Variants in CEP164 observed in about 807,000 individuals in gnomAD.
CEP164 encodes the protein centrosomal protein of 164 kDa.
CEP164 carries 162 observed loss-of-function variants against 182.7 expected under a neutral mutation model. That is an observed-to-expected ratio of 0.89 (90% CI 0.78 to 1.01). The LOEUF is 1.01. CEP164 is among the 50% of genes least tolerant of loss of function. CEP164 has a pLI of 0.00. For missense variants in CEP164, 1,735 were observed against 1,790.4 expected (o/e 0.97, Z 0.56); for synonymous variants, 661 against 690.0 (o/e 0.96, Z 0.66).
At chr11:117,339,515 G>GTTTTTTTTTTTTTTTTTTTTTTTTTT (rs1199425322) in intron 3 of CEP164, among the ~76,000 whole-genome samples, 1 of 90,870 alleles carries the variant, frequency 1.1e-5, no homozygotes, top group Non-Finnish European at 2.1e-5. Context: ...CTTTTCCTTT[G>GTTTTTTTTTTTTTTTTTTTTTTTTTT]TTTTTTGTTT....
intron 12 of CEP164, among the ~76,000 whole-genome samples, chr11:117,381,072 AGGTCT>A (rs1192148410): frequency 6.6e-6 from 1 of 152,022 alleles, no homozygotes; most frequent in Non-Finnish European, 1.5e-5. Flanking sequence ...AACCTTGTGG[AGGTCT>A]GGAGGAGTCG....
At chr11:117,379,704 T>G (rs1275465855) in intron 11 of CEP164, among the ~76,000 whole-genome samples, 2 of 151,952 alleles carry the variant, frequency 1.3e-5, no homozygotes, top group Non-Finnish European at 2.9e-5. Context: ...GAGACAGACT[T>G]CCTAGGCAGG....
At chr11:117,391,603 G>A (rs1321964236) in intron 17 of CEP164, among the ~76,000 whole-genome samples, 1 of 152,076 alleles carries the variant, frequency 6.6e-6, no homozygotes, top group Non-Finnish European at 1.5e-5. Context: ...AGACAAAGGC[G>A]CTCTGTCCCT....
At chr11:117,324,948 C>G (rs1359997256), upstream of CEP164, among the ~76,000 whole-genome samples, 2 of 152,182 alleles carry the variant, frequency 1.3e-5, no homozygotes, top group Admixed American at 6.5e-5. Context: ...ATTGCAAATT[C>G]TTAGATATAG....
chr11:117,383,037 G>T, intron 14 of CEP164, 95 bp downstream of exon 14: 1 of 1,416,666 alleles, frequency 7.1e-7, no homozygotes, highest in Non-Finnish European at 9.5e-7. Flanking sequence ...GTGGGGCTCA[G>T]GCTCTGGCCA....
At chr11:117,387,911 A>T (rs2044139141) in intron 15 of CEP164, among the ~76,000 whole-genome samples, 1 of 152,196 alleles carries the variant, frequency 6.6e-6, no homozygotes, top group Admixed American at 6.5e-5. Flanking sequence ...ACCAACATAC[A>T]AGTACTGGGA....
Position 117,338,586 on chromosome 11 carries a change from C to T in CEP164, c.-1C>T, listed in dbSNP as rs117301280. 1.2e-6 allele frequency: 2 copies of T among 1,613,958 alleles called. No homozygotes were observed. The highest frequency in any genetic ancestry group is 2.2e-5 in the East Asian group (1 of 44,888). On this transcript the variant is annotated 5_prime_UTR_variant, in exon 3 of 33. Coordinates refer to ENST00000278935, the MANE Select transcript of CEP164 (RefSeq NM_014956.5). The stretch of plus-strand genomic sequence containing the variant: ...TCTAGGTGTTTGAGCCCAGATGAGT[C>T]ATGGCTGGACGACCCCTCCGCATAG...
rs1387200155 is a variant in CEP164, at chr11:117,394,423, G to A, written c.2690G>A (p.Arg897Gln). 6.8e-6 allele frequency: 11 copies of A among 1,613,952 alleles called. No individual in the cohort carries two copies. Among genetic ancestry groups the A allele is most frequent in the Non-Finnish European group, 9.3e-6 (11 of 1,179,966 alleles). Residue 897 changes from arginine to glutamine, a missense_variant, in exon 21 of 33, where the codon CGA becomes CAA. Arg to Gln is a conservative substitution (Grantham distance 43). Coordinates refer to ENST00000278935, the MANE Select transcript of CEP164 (RefSeq NM_014956.5). The surrounding 1 kb of genome is among the most constrained non-coding windows in gnomAD (Gnocchi z 4.0). Reference sequence around the variant, plus strand: ...GAGCGCCTGCAGAGGGCCCATGAACGAGAACTGGAGACTGTGAGGCAGGAG... The same window carrying A: ...GAGCGCCTGCAGAGGGCCCATGAACAAGAACTGGAGACTGTGAGGCAGGAG... Reference protein sequence around the residue: ...ELERLQRAHERELETVRQEQH... With the variant: ...ELERLQRAHEQELETVRQEQH...
intron 9 of CEP164, among the ~76,000 whole-genome samples, chr11:117,372,687 G>T (rs1418210092): frequency 6.6e-6 from 1 of 152,190 alleles, no homozygotes; most frequent in Non-Finnish European, 1.5e-5. Flanking sequence ...AAAGTGCTGG[G>T]ATTACAGGCG....
chr11:117,375,149 T>G (rs961732064), intron 10 of CEP164, among the ~76,000 whole-genome samples: 2 of 152,176 alleles, frequency 1.3e-5, no homozygotes, highest in East Asian at 3.8e-4. Flanking sequence ...GCCCACAGGT[T>G]TTCTGGGGAT....
chr11:117,399,432 T>C (rs1361502780), intron 27 of CEP164, among the ~76,000 whole-genome samples: 6 of 152,232 alleles, frequency 3.9e-5, no homozygotes, highest in Admixed American at 3.9e-4. Context: ...TGAACAGTGC[T>C]GCAATAAACA....
At chr11:117,325,702 A>G (rs1351276957), upstream of CEP164, among the ~76,000 whole-genome samples, 1 of 152,032 alleles carries the variant, frequency 6.6e-6, no homozygotes, top group Non-Finnish European at 1.5e-5. Context: ...TTTAAAGAAG[A>G]TGGAGAGGAA....
At chr11:117,327,954 C>A (rs1439533467) in intron 1 of CEP164, 50 bp downstream of exon 1, 2 of 152,258 alleles carry the variant, frequency 1.3e-5, no homozygotes, top group African/African-American at 2.4e-5. Context: ...AGAGCCTCGC[C>A]CGGAGCCTCG....
intron 27 of CEP164, among the ~76,000 whole-genome samples, chr11:117,403,118 A>G (rs187769128): frequency 1.4e-4 from 22 of 152,302 alleles, no homozygotes; most frequent in Admixed American, 6.5e-4. Flanking sequence ...TTGACTGTTT[A>G]TGCAGTTTGC....
rs376399291 is a variant in CEP164, at chr11:117,411,753, G to A, written c.4164-42G>A. The A allele has an allele frequency of 3.0e-5, 49 of 1,612,256 alleles. 1 individual carries two copies. The African/African-American group carries it at 4.7e-4, about 15-fold the overall frequency. On this transcript the variant is annotated intron_variant, in intron 31 of 32. Transcript: ENST00000278935. The surrounding 1 kb of genome is among the most constrained non-coding windows in gnomAD (Gnocchi z 4.4). ...TCTGTGCATCCTCTGTCACTTCCGC[G>A]CCTCCTCTCTCCCCTCGCCATGCTC...
chr11:117,400,607 C>G (rs1482332304), intron 27 of CEP164, among the ~76,000 whole-genome samples: 1 of 152,142 alleles, frequency 6.6e-6, no homozygotes, highest in East Asian at 1.9e-4. Flanking sequence ...ATTGATTCTT[C>G]GTATCCATGA....
At chr11:117,382,676 G>C in intron 13 of CEP164, 120 bp from the exon 14 acceptor site, 1 of 1,221,086 alleles carries the variant, frequency 8.2e-7, no homozygotes, top group South Asian at 1.4e-5. Context: ...CCCGAGGTAG[G>C]GAAATTGTTG....
chr11:117,413,246 T>C lies in CEP164; in HGVS notation c.*1078T>C, dbSNP rs1041516209. On this transcript the variant is annotated 3_prime_UTR_variant, in exon 33 of 33. Transcript: ENST00000278935. ...CCGTTGTTTAAATAAAATGCACTTATTTTTGTTTTTTTTTTTGCAAGCTGT... is the reference window on the plus strand; with the variant it reads ...CCGTTGTTTAAATAAAATGCACTTACTTTTGTTTTTTTTTTTGCAAGCTGT... The C allele has an allele frequency of 1.7e-4, 26 of 151,710 alleles. No homozygotes were observed. Among genetic ancestry groups the C allele is most frequent in the African/African-American group, 6.3e-4 (26 of 41,280 alleles). The allele number at this position is 151,710 out of a possible 1,614,324, so 9.4% of individuals were successfully genotyped here.
rs779406287 is a variant in CEP164 at position 117,396,538 on chromosome 11, A to G, written c.3217-12A>G. 14 of 1,612,158 alleles carry G rather than the reference A, an allele frequency of 8.7e-6. No individual in the cohort carries two copies. Among genetic ancestry groups the G allele is most frequent in the African/African-American group, 1.3e-5 (1 of 74,850 alleles). ...GCTACACTCAGTGGACTTTTCTACCATGTGTCCCTAGAACCAGACCAAAGA... is the reference window on the plus strand; with the variant it reads ...GCTACACTCAGTGGACTTTTCTACCGTGTGTCCCTAGAACCAGACCAAAGA... On this transcript the variant is annotated splice_polypyrimidine_tract_variant and intron_variant, in intron 25 of 32. Transcript: ENST00000278935.
Sources: allele counts gnomAD v4.1 joint callset (sites outside exome capture counted in the v4.1 genomes callset), GRCh38; gene constraint gnomAD v4.1.1; non-coding constraint Gnocchi (gnomAD v3.1); transcripts MANE v1.5; gene names NCBI Gene and HGNC (gene_info 2026-07-23, HGNC 2026-07-21).